The following ADAMTSL1 variants were observed in gnomAD, a reference collection of about 807,000 sequenced individuals.
ADAMTSL1 encodes the protein ADAMTS like 1.
In ADAMTSL1, 126 loss-of-function variants were observed where a neutral mutation model predicts 201.8. That is an observed-to-expected ratio of 0.62 (90% CI 0.54 to 0.72). ADAMTSL1 has a LOEUF of 0.72. ADAMTSL1 is among the 30% of genes least tolerant of loss of function. The pLI, the probability that ADAMTSL1 is intolerant of heterozygous loss-of-function variation, is 0.00. For synonymous variants in ADAMTSL1, 1,121 were observed against 903.4 expected (o/e 1.24, Z -4.32); for missense variants, 2,679 against 2,277.8 (o/e 1.18, Z -3.59).
chr9:18,094,755 A>T (rs1824171188), intron 1 of ADAMTSL1, among the ~76,000 whole-genome samples: 1 of 150,432 alleles, frequency 6.6e-6, no homozygotes, highest in African/African-American at 2.5e-5. Flanking sequence ...TTTTGTAGAG[A>T]CAGGGTTTCA....
At chr9:18,734,166 T>C (rs1818378942) in intron 15 of ADAMTSL1, among the ~76,000 whole-genome samples, 1 of 152,204 alleles carries the variant, frequency 6.6e-6, no homozygotes, top group Admixed American at 6.5e-5. Context: ...AGAAGTGTGT[T>C]AAGCGCTTAG....
chr9:18,029,131 A>C (rs1273335512), intron 1 of ADAMTSL1, among the ~76,000 whole-genome samples: 2 of 152,124 alleles, frequency 1.3e-5, no homozygotes, highest in Middle Eastern at 3.2e-3. Context: ...GACTTTGCTG[A>C]AGTTGCTTAT....
chr9:18,312,043 A>C (rs1429755530), intron 2 of ADAMTSL1, among the ~76,000 whole-genome samples: 1 of 152,216 alleles, frequency 6.6e-6, no homozygotes, highest in Non-Finnish European at 1.5e-5. Flanking sequence ...CAGAGCTTAC[A>C]TCCTAGTAGA....
At chr9:18,845,269 A>G (rs934468) in intron 23 of ADAMTSL1, among the ~76,000 whole-genome samples, 108,234 of 152,236 alleles carry the variant, frequency 0.71, 38,886 homozygotes, top group African/African-American at 0.81. Context: ...TTGGAGGCAC[A>G]TGTCAGCCCC....
chr9:18,581,615 C>T (rs1823097798), intron 4 of ADAMTSL1, among the ~76,000 whole-genome samples: 1 of 152,178 alleles, frequency 6.6e-6, no homozygotes, highest in African/African-American at 2.4e-5. Context: ...CCTGGGACAT[C>T]ATTTGTCTCC....
chr9:18,823,562 C>T (rs780589688), intron 21 of ADAMTSL1, among the ~76,000 whole-genome samples: 1 of 152,218 alleles, frequency 6.6e-6, no homozygotes, highest in Non-Finnish European at 1.5e-5. Flanking sequence ...CTTCTCCCCT[C>T]TGTCACTCTC....
chr9:18,179,885 T>G (rs2132169572), intron 2 of ADAMTSL1, among the ~76,000 whole-genome samples: 1 of 151,880 alleles, frequency 6.6e-6, no homozygotes, highest in South Asian at 2.1e-4. Flanking sequence ...GCGCTAAACA[T>G]GGAAAGGAAC....
intron 15 of ADAMTSL1, among the ~76,000 whole-genome samples, chr9:18,732,879 C>T (rs1002262648): frequency 2.0e-5 from 3 of 152,192 alleles, no homozygotes; most frequent in Non-Finnish European, 2.9e-5. Flanking sequence ...TTACAATATG[C>T]ATGGCACAGT....
At chr9:18,071,295 A>T (rs1241337399) in intron 1 of ADAMTSL1, among the ~76,000 whole-genome samples, 1 of 152,216 alleles carries the variant, frequency 6.6e-6, no homozygotes, top group East Asian at 1.9e-4. Flanking sequence ...ACTTCAGAGC[A>T]TATCTATGGG....
At chr9:18,116,778 C>T (rs547241472) in intron 1 of ADAMTSL1, among the ~76,000 whole-genome samples, 9 of 152,252 alleles carry the variant, frequency 5.9e-5, no homozygotes, top group Middle Eastern at 3.4e-3. Flanking sequence ...AGGTTTGTTA[C>T]GTATGTATAC....
intron 7 of ADAMTSL1, among the ~76,000 whole-genome samples, chr9:18,650,110 C>T (rs1047441400): frequency 1.3e-5 from 2 of 152,214 alleles, no homozygotes; most frequent in Non-Finnish European, 2.9e-5. Flanking sequence ...TGCCCATCCC[C>T]AAGCCTCGCT....
chr9:18,582,848 CAAAATAAAATAAAATAAATAAAAT>C (rs1823196694), intron 4 of ADAMTSL1, among the ~76,000 whole-genome samples: 1 of 142,464 alleles, frequency 7.0e-6, no homozygotes. Context: ...GACTCCATCT[CAAAATAAAATAAAATAAATAAAAT>C]AAAATAAAAT....
intron 19 of ADAMTSL1, 47 bp from the exon 20 acceptor site, chr9:18,795,350 G>T: frequency 1.2e-6 from 2 of 1,608,706 alleles, no homozygotes; most frequent in Non-Finnish European, 1.7e-6. Context: ...TGCCAAAAAG[G>T]AGTCAACTGA....
At chr9:18,258,733 C>G (rs116544705) in intron 2 of ADAMTSL1, among the ~76,000 whole-genome samples, 2,007 of 152,270 alleles carry the variant, frequency 0.013, 39 homozygotes, top group African/African-American at 0.046. Flanking sequence ...CTCAAATGAA[C>G]CAACAAAGCC....
intron 1 of ADAMTSL1, among the ~76,000 whole-genome samples, chr9:17,962,583 T>G (rs1618634): frequency 0.94 from 142,404 of 152,164 alleles, 67,072 homozygotes; most frequent in East Asian, 1. Flanking sequence ...ATTGTGTCAC[T>G]GCAGAAAAGT....
At chr9:18,900,790 T>C (rs905181882) in intron 26 of ADAMTSL1, among the ~76,000 whole-genome samples, 1 of 9,356 alleles carries the variant, frequency 1.1e-4, no homozygotes, top group African/African-American at 3.8e-4. Flanking sequence ...GGGGTGGGGG[T>C]GGGAGGAGGG....
chr9:17,986,070 A>T (rs1242996662), intron 1 of ADAMTSL1, among the ~76,000 whole-genome samples: 1 of 152,142 alleles, frequency 6.6e-6, no homozygotes, highest in Admixed American at 6.6e-5. Flanking sequence ...TTTATGTGGG[A>T]GCAACTGGCC....
chr9:18,185,869 T>C (rs1354533114), intron 2 of ADAMTSL1, among the ~76,000 whole-genome samples: 4 of 152,168 alleles, frequency 2.6e-5, no homozygotes, highest in African/African-American at 7.2e-5. Flanking sequence ...GAAAAAAGTT[T>C]CACAATTATT....
At chr9:18,127,703 A>G (rs942103792) in intron 1 of ADAMTSL1, among the ~76,000 whole-genome samples, 1 of 152,160 alleles carries the variant, frequency 6.6e-6, no homozygotes, top group African/African-American at 2.4e-5. Flanking sequence ...TGAGAAGGTT[A>G]GTGACCTTGG....
Sources: gnomAD v4.1 joint callset for allele counts (sites outside exome capture counted in the v4.1 genomes callset) on GRCh38, gnomAD v4.1.1 for gene constraint, MANE v1.5 for transcripts, NCBI Gene and HGNC (gene_info 2026-07-23, HGNC 2026-07-21) for gene names.